Variants in PTPRO observed in about 807,000 individuals in gnomAD.
PTPRO encodes protein tyrosine phosphatase receptor type O.
In PTPRO, 62 loss-of-function variants were observed where a neutral mutation model predicts 145.2. That is an observed-to-expected ratio of 0.43 (90% CI 0.35 to 0.53). The LOEUF is 0.53. Among genes scored for constraint, PTPRO ranks in the 20% least tolerant of loss-of-function variants. PTPRO has a pLI of 0.01. For synonymous variants in PTPRO, 565 were observed against 514.7 expected, an observed-to-expected ratio of 1.10 and a Z score of -1.32; for missense variants, 1,345 against 1,482.7, an observed-to-expected ratio of 0.91 and a Z score of 1.53.
chr12:15,331,891 A>G (rs1381816684), intron 1 of PTPRO, among the ~76,000 whole-genome samples: 1 of 152,000 alleles, frequency 6.6e-6, no homozygotes, highest in Non-Finnish European at 1.5e-5. Context: ...TGTATCTTCC[A>G]CAGGAGAAAT....
At chr12:15,336,186 T>C (rs1332833358) in intron 1 of PTPRO, among the ~76,000 whole-genome samples, 1 of 151,894 alleles carries the variant, frequency 6.6e-6, no homozygotes, top group African/African-American at 2.4e-5. Flanking sequence ...TGGAGACATA[T>C]CTTTCCAAAT....
intron 1 of PTPRO, among the ~76,000 whole-genome samples, chr12:15,477,803 C>T (rs1023437788): frequency 3.3e-5 from 5 of 152,288 alleles, no homozygotes; most frequent in Admixed American, 3.3e-4. Context: ...GTGCTGATAT[C>T]CTCCATGGCA....
chr12:15,436,719 G>T (rs537119067), intron 1 of PTPRO, among the ~76,000 whole-genome samples: 12 of 152,322 alleles, frequency 7.9e-5, no homozygotes, highest in African/African-American at 1.9e-4. Flanking sequence ...GCCATGCTTT[G>T]GTGCCCTAGC....
At chr12:15,433,171 CTTTT>C (rs55746632) in intron 1 of PTPRO, among the ~76,000 whole-genome samples, 6 of 103,642 alleles carry the variant, frequency 5.8e-5, no homozygotes, top group Admixed American at 2.1e-4. Context: ...CAGTTTGGGG[CTTTT>C]TTTTTTTTTT....
At chr12:15,455,763 C>T (rs935668499) in intron 1 of PTPRO, among the ~76,000 whole-genome samples, 2 of 152,204 alleles carry the variant, frequency 1.3e-5, no homozygotes, top group South Asian at 4.1e-4. Context: ...TTGGTGGAAA[C>T]TTCAGGGTTT....
chr12:15,440,276 AC>A, intron 1 of PTPRO: 5 of 589,844 alleles, frequency 8.5e-6, no homozygotes, highest in Non-Finnish European at 1.5e-5. Context: ...CAGCTACCTG[AC>A]CCCCAACCTC....
chr12:15,556,818 T>TA (rs1470913806), intron 15 of PTPRO, among the ~76,000 whole-genome samples: 5 of 152,128 alleles, frequency 3.3e-5, no homozygotes, highest in East Asian at 1.9e-4. Context: ...AAAGGCTTTG[T>TA]AAAAAAATAA....
At chr12:15,419,155 T>C (rs997077714) in intron 1 of PTPRO, among the ~76,000 whole-genome samples, 5 of 150,526 alleles carry the variant, frequency 3.3e-5, no homozygotes, top group African/African-American at 9.9e-5. Context: ...CTACAAATTT[T>C]AGCAGATATT....
intron 1 of PTPRO, among the ~76,000 whole-genome samples, chr12:15,325,406 T>G (rs1277902510): frequency 6.6e-6 from 1 of 152,226 alleles, no homozygotes; most frequent in East Asian, 1.9e-4. Flanking sequence ...GGAGCAGTGA[T>G]GAGCACATAT....
chr12:15,379,530 C>CAAAAAA (rs1211403772), intron 1 of PTPRO, among the ~76,000 whole-genome samples: 24 of 49,338 alleles, frequency 4.9e-4, no homozygotes, highest in South Asian at 1.9e-3. Flanking sequence ...AGCTCCATCT[C>CAAAAAA]AAAAAAAAAA....
At chr12:15,439,909 C>T (rs1212034247) in intron 1 of PTPRO, 8 of 664,876 alleles carry the variant, frequency 1.2e-5, no homozygotes, top group Admixed American at 2.1e-5. Context: ...TGTTTGTTGC[C>T]ATTGGGGACT....
chr12:15,516,621 GGA>G lies in PTPRO; in HGVS notation c.1586-141_1586-140del, dbSNP rs1565678781. The G allele has an allele frequency of 6.4e-4, 451 of 707,888 alleles. 2 individuals carry two copies. The highest frequency in any genetic ancestry group is 8.6e-4 in the East Asian group (32 of 37,304). 43.9% of individuals were successfully genotyped at this position (707,888 alleles called of 1,614,324 possible). ...AGGAAGCAAGAAAGGGAGGAAGGAA[GGA>G]AGGAAGGAAGGAAGGGAGGGAGGGA... On this transcript the variant is annotated intron_variant, in intron 8 of 26. Coordinates refer to ENST00000281171, the MANE Select transcript of PTPRO (RefSeq NM_030667.3).
chr12:15,324,818 C>CA (rs892566828), intron 1 of PTPRO, among the ~76,000 whole-genome samples: 2 of 151,302 alleles, frequency 1.3e-5, no homozygotes, highest in African/African-American at 2.4e-5. Context: ...AAGAGTTGTT[C>CA]AAAAAAAATG....
At chr12:15,569,290 T>G (rs1943981521) in intron 18 of PTPRO, 127 bp from the exon 19 acceptor site, 1 of 843,178 alleles carries the variant, frequency 1.2e-6, no homozygotes. Context: ...AAAAGGTGAG[T>G]GCTAACCTTA....
intron 12 of PTPRO, among the ~76,000 whole-genome samples, chr12:15,542,296 G>A (rs915732929): frequency 2.0e-5 from 3 of 152,080 alleles, no homozygotes; most frequent in African/African-American, 7.2e-5. Context: ...ATTATCTTGG[G>A]CCACACATAA....
intron 16 of PTPRO, 74 bp from the exon 17 acceptor site, chr12:15,560,119 A>G: frequency 2.0e-6 from 2 of 1,016,304 alleles, no homozygotes; most frequent in Non-Finnish European, 3.1e-6. Context: ...ATTTACTGAT[A>G]TCTATTCACA....
chr12:15,522,692 A>T (rs1358241439), intron 10 of PTPRO, among the ~76,000 whole-genome samples: 2 of 152,220 alleles, frequency 1.3e-5, no homozygotes, highest in African/African-American at 4.8e-5. Context: ...CAAGTCTACC[A>T]TCTTTGTTAG....
chr12:15,352,848 A>G (rs2136232979), intron 1 of PTPRO, among the ~76,000 whole-genome samples: 1 of 152,306 alleles, frequency 6.6e-6, no homozygotes, highest in South Asian at 2.1e-4. Context: ...TCTATTTGGC[A>G]TAGCAATGAA....
intron 1 of PTPRO, among the ~76,000 whole-genome samples, chr12:15,414,122 A>T (rs1939879017): frequency 6.6e-6 from 1 of 152,226 alleles, no homozygotes. Flanking sequence ...TAACCGTAAG[A>T]ACCTTGTTAA....
Sources: gnomAD v4.1 joint callset for allele counts (sites outside exome capture counted in the v4.1 genomes callset) on GRCh38, gnomAD v4.1.1 for gene constraint, MANE v1.5 for transcripts, NCBI Gene and HGNC (gene_info 2026-07-23, HGNC 2026-07-21) for gene names.